The following TTC39A variants were observed in gnomAD, a reference collection of about 807,000 sequenced individuals.
TTC39A encodes tetratricopeptide repeat domain 39A, also known as tetratricopeptide repeat protein 39A.
A neutral mutation model predicts 82.3 loss-of-function variants in TTC39A; 46 were observed. The ratio of observed to expected loss-of-function variants is 0.56; its 90% CI spans 0.44 to 0.71. The LOEUF is 0.71. Among genes scored for constraint, TTC39A ranks in the 30% least tolerant of loss-of-function variants. TTC39A has a pLI of 0.00. For synonymous variants in TTC39A, 254 were observed against 275.2 expected, an observed-to-expected ratio of 0.92 and a Z score of 0.76; for missense variants, 543 against 712.9, an observed-to-expected ratio of 0.76 and a Z score of 2.71.
chr1:51,307,327 C>A (rs550902052), intron 6 of TTC39A, among the ~76,000 whole-genome samples: 1 of 152,264 alleles, frequency 6.6e-6, no homozygotes, highest in South Asian at 2.1e-4. Context: ...TAGCATAGGC[C>A]TCCAAGGTAA....
chr1:51,305,144 T>G lies in TTC39A; in HGVS notation c.591A>C (p.Thr197=). 6.2e-7 allele frequency: 1 copy of G among 1,613,162 alleles called. No homozygotes were observed. Among genetic ancestry groups the G allele is most frequent in the Middle Eastern group, 1.6e-4 (1 of 6,062 alleles). The change falls in exon 8 of 18, where the codon ACA becomes ACC. Residue 197 remains threonine (T), a splice_region_variant and synonymous_variant. Coordinates refer to ENST00000680483, the MANE Select transcript of TTC39A (RefSeq NM_001297663.2). ...VKLGVGAFNL[T]LSMLPTRILR... is the part of the protein sequence containing the mutation. The stretch of plus-strand genomic sequence containing the variant: ...GGATCCTAGTAGGAAGCATGGACAG[T>G]GTCTGCAAGAAAGGAGGCAATCAAG...
chr1:51,317,480 G>A (rs1435900530), intron 2 of TTC39A, among the ~76,000 whole-genome samples: 5 of 152,128 alleles, frequency 3.3e-5, no homozygotes, highest in African/African-American at 1.2e-4. Context: ...CTGGTGCGCT[G>A]GCTCACGCCT....
intron 3 of TTC39A, 26 bp downstream of exon 3, chr1:51,312,786 T>C (rs771203742): frequency 9.9e-6 from 16 of 1,609,058 alleles, no homozygotes; most frequent in African/African-American, 1.3e-5. Flanking sequence ...TCCCAACCTC[T>C]GATCCCTGCC....
intron 12 of TTC39A, chr1:51,298,943 C>A (rs1240977494): frequency 1.3e-5 from 2 of 152,288 alleles, no homozygotes; most frequent in East Asian, 3.8e-4. Context: ...GCTGCCAGCA[C>A]TGGGGGAAAC....
intron 1 of TTC39A, among the ~76,000 whole-genome samples, chr1:51,323,738 CA>C (rs1645611430): frequency 2.0e-5 from 3 of 152,062 alleles, no homozygotes. Context: ...GGTTCTTTTT[CA>C]AATCTTAGTT....
intron 14 of TTC39A, among the ~76,000 whole-genome samples, chr1:51,291,586 T>C (rs1461114334): frequency 1.5e-5 from 2 of 130,836 alleles, no homozygotes; most frequent in Admixed American, 8.3e-5. Context: ...AGCTCAGGAG[T>C]TCAAGACCAG....
At position 51,344,027 on chromosome 1, in the gene TTC39A, AG is replaced by A. The variant is rs376102325; in HGVS notation, c.53+963del. Among the ~76,000 whole-genome samples, 168 of 152,272 alleles carry A rather than the reference AG, an allele frequency of 1.1e-3. 1 individual carries two copies. The highest frequency in any genetic ancestry group is 4.0e-3 in the African/African-American group (166 of 41,562). On this transcript the variant is annotated intron_variant, in intron 1 of 5. Coordinates refer to the TTC39A transcript ENST00000401051. ...ATGCAATAGTCCAATGAGAATAAAC[AG>A]CTTTGAGAGAAGTTGGGAGGTAAAA...
intron 6 of TTC39A, among the ~76,000 whole-genome samples, chr1:51,306,442 G>C (rs1465721797): frequency 6.6e-6 from 1 of 152,198 alleles, no homozygotes; most frequent in East Asian, 1.9e-4. Flanking sequence ...ATTGTAGGAT[G>C]TTTAGCAGCA....
At chr1:51,291,822 T>C (rs995517466) in intron 14 of TTC39A, among the ~76,000 whole-genome samples, 6 of 147,536 alleles carry the variant, frequency 4.1e-5, no homozygotes, top group Non-Finnish European at 9.0e-5. Context: ...AAAAAAAAAA[T>C]TCTTTTCACC....
intron 1 of TTC39A, among the ~76,000 whole-genome samples, chr1:51,343,708 A>C (rs1646063926): frequency 6.6e-6 from 1 of 152,166 alleles, no homozygotes; most frequent in Admixed American, 6.5e-5. Flanking sequence ...AGTGCTCAAC[A>C]ATGTGTGCTG....
At chr1:51,295,211 A>C (rs887109812) in intron 13 of TTC39A, among the ~76,000 whole-genome samples, 2 of 152,138 alleles carry the variant, frequency 1.3e-5, no homozygotes, top group Non-Finnish European at 2.9e-5. Context: ...CTCATCTCTA[A>C]AATGGAGGTA....
intron 2 of TTC39A, among the ~76,000 whole-genome samples, chr1:51,316,963 G>A (rs757979692): frequency 1.3e-5 from 2 of 152,164 alleles, no homozygotes; most frequent in Non-Finnish European, 2.9e-5. Context: ...TATTAACCAC[G>A]ATCATGTAAT....
intron 1 of TTC39A, chr1:51,325,890 C>G (rs1645695008): frequency 6.6e-6 from 1 of 152,322 alleles, no homozygotes; most frequent in South Asian, 2.1e-4. Context: ...TCAGTGCAGA[C>G]AGGCACAGTC....
rs1644651906 is a variant in TTC39A at position 51,301,456 on chromosome 1, G to C, written c.1053+116C>G. Reference sequence around the variant, plus strand: ...AGCCTGAGTCCTATTAGAATTTAAGGTTATGTTTAGATTCCAGCTGAGACA... The same window carrying C: ...AGCCTGAGTCCTATTAGAATTTAAGCTTATGTTTAGATTCCAGCTGAGACA... On this transcript the variant is annotated intron_variant, in intron 12 of 17. Coordinates refer to ENST00000680483, the MANE Select transcript of TTC39A (RefSeq NM_001297663.2). 3.7e-6 allele frequency: 5 copies of C among 1,336,304 alleles called. No homozygotes were observed. The African/African-American group carries it at 7.3e-5, about 19-fold the overall frequency. The allele number at this position is 1,336,304 out of a possible 1,614,324, so 82.8% of individuals were successfully genotyped here. A position where few individuals can be genotyped will look rare whatever the true frequency, so the allele number is the denominator to read the frequency against.
At chr1:51,310,454 C>G (rs1645042750) in intron 5 of TTC39A, among the ~76,000 whole-genome samples, 2 of 152,088 alleles carry the variant, frequency 1.3e-5, no homozygotes, top group Non-Finnish European at 2.9e-5. Context: ...GCAATCATTA[C>G]AGTGAATCCT....
At chr1:51,290,774 G>T in intron 14 of TTC39A, 149 bp from the exon 15 acceptor site, 1 of 635,632 alleles carries the variant, frequency 1.6e-6, no homozygotes, top group Non-Finnish European at 2.7e-6. Context: ...AGCCTGTGAA[G>T]CTGTGGGTCT....
intron 1 of TTC39A, among the ~76,000 whole-genome samples, chr1:51,337,295 T>G (rs1645986254): frequency 6.6e-6 from 1 of 151,636 alleles, no homozygotes; most frequent in South Asian, 2.1e-4. Context: ...CATTCCCACC[T>G]CAGGCCCTTT....
intron 3 of TTC39A, among the ~76,000 whole-genome samples, chr1:51,312,563 C>T (rs1455116642): frequency 3.9e-5 from 6 of 152,194 alleles, no homozygotes; most frequent in Non-Finnish European, 7.4e-5. Flanking sequence ...GGCCTACCCT[C>T]CTGCCCACCC....
chr1:51,339,245 C>T (rs1301409596), intron 1 of TTC39A, among the ~76,000 whole-genome samples: 1 of 152,092 alleles, frequency 6.6e-6, no homozygotes. Flanking sequence ...AGCCCAGTTC[C>T]ACGTGGATGG....
Sources: allele counts gnomAD v4.1 joint callset (sites outside exome capture counted in the v4.1 genomes callset), GRCh38; gene constraint gnomAD v4.1.1; transcripts MANE v1.5; gene names NCBI Gene and HGNC (gene_info 2026-07-23, HGNC 2026-07-21).